Variants in DIAPH1 observed in about 807,000 individuals in gnomAD.
DIAPH1 encodes diaphanous related formin 1, also known as protein diaphanous homolog 1.
A neutral mutation model predicts 140.7 loss-of-function variants in DIAPH1; 46 were observed. The ratio of observed to expected loss-of-function variants is 0.33; its 90% CI spans 0.26 to 0.42. The LOEUF (loss-of-function observed/expected upper bound fraction) is 0.42, where lower values mean the gene tolerates loss of function less well. Among genes scored for constraint, DIAPH1 ranks in the 10% least tolerant of loss-of-function variants. The pLI is 1.00. For synonymous variants in DIAPH1, 565 were observed against 551.6 expected (o/e 1.02, Z -0.34); for missense variants, 1,310 against 1,558.7 (o/e 0.84, Z 2.69).
intron 1 of DIAPH1, among the ~76,000 whole-genome samples, chr5:141,615,241 C>T (rs1472790356): frequency 6.6e-6 from 1 of 150,684 alleles, no homozygotes; most frequent in African/African-American, 2.4e-5. Flanking sequence ...TAAGACCAGC[C>T]TGGCCAACAT....
chr5:141,554,590 T>C (rs2099892271), intron 18 of DIAPH1, among the ~76,000 whole-genome samples: 1 of 152,110 alleles, frequency 6.6e-6, no homozygotes, highest in South Asian at 2.1e-4. Flanking sequence ...ACTATCAAAA[T>C]GTGAAAGAAC....
chr5:141,602,508 C>T (rs1169650822), intron 1 of DIAPH1, among the ~76,000 whole-genome samples: 1 of 152,222 alleles, frequency 6.6e-6, no homozygotes, highest in Non-Finnish European at 1.5e-5. Context: ...AGCCACCACG[C>T]CTGGCCTTTG....
intron 17 of DIAPH1, 23 bp from the exon 18 acceptor site, chr5:141,571,459 G>C (rs2099895168): frequency 2.5e-6 from 4 of 1,606,556 alleles, no homozygotes; most frequent in Admixed American, 1.7e-5. Context: ...AGTGCCAGGA[G>C]GGAGAAGGCA....
At chr5:141,579,235 A>G in intron 8 of DIAPH1, 39 bp from the exon 9 acceptor site, 4 of 1,487,096 alleles carry the variant, frequency 2.7e-6, no homozygotes, top group Non-Finnish European at 2.8e-6. Flanking sequence ...CTTTCCAGGT[A>G]CTGTGACACG....
At chr5:141,583,759 T>A in intron 4 of DIAPH1, 144 bp from the exon 5 acceptor site, 1 of 1,177,780 alleles carries the variant, frequency 8.5e-7, no homozygotes, top group Non-Finnish European at 1.2e-6. Context: ...CAGGCTGATT[T>A]CAAACTCCTG....
rs1382984486 is a variant in DIAPH1 at position 141,529,092 on chromosome 5, A to G, written c.2778+80T>C. The G allele has an allele frequency of 3.9e-6, 6 of 1,542,748 alleles. No homozygotes were observed. The Admixed American group carries it at 8.3e-5, about 21-fold the overall frequency. ...GTTCAAAAACAGACAAGCGGCAAGG[A>G]GCATATGCCCAGGCTGCTCTCTAGA... On this transcript the variant is annotated intron_variant, in intron 21 of 27. Coordinates refer to ENST00000389054, the MANE Select transcript of DIAPH1 (RefSeq NM_005219.5).
intron 27 of DIAPH1, among the ~76,000 whole-genome samples, chr5:141,522,573 G>A (rs1441234236): frequency 7.0e-6 from 1 of 143,414 alleles, no homozygotes; most frequent in Non-Finnish European, 1.5e-5. Context: ...CTTAGCCGAC[G>A]GGGTCAAAAA....
intron 14 of DIAPH1, 72 bp downstream of exon 14, chr5:141,576,158 C>A (rs1042005704): frequency 1.5e-5 from 19 of 1,291,040 alleles, no homozygotes; most frequent in Non-Finnish European, 1.8e-5. Context: ...AAAACTGTCT[C>A]ATAGATCAGG....
At chr5:141,584,047 T>A in intron 4 of DIAPH1, 77 bp downstream of exon 4, 1 of 868,652 alleles carries the variant, frequency 1.2e-6, no homozygotes, top group Non-Finnish European at 1.9e-6. Flanking sequence ...AAATGTTACA[T>A]AAAATTGGCA....
chr5:141,576,791 C>T lies in DIAPH1; in HGVS notation c.1361G>A (p.Cys454Tyr). 6.2e-7 allele frequency: 1 copy of T among 1,613,906 alleles called. No individual in the cohort carries two copies. Among genetic ancestry groups the T allele is most frequent in the Non-Finnish European group, 8.5e-7 (1 of 1,179,796 alleles). Residue 454 changes from cysteine to tyrosine, a missense_variant, in exon 13 of 28, where the codon TGC becomes TAC. This residue lies in a region of DIAPH1 where 589 missense variants were observed against 549.3 expected (regional missense o/e 1.07). Coordinates refer to ENST00000389054, the MANE Select transcript of DIAPH1 (RefSeq NM_005219.5). ...CTCAATCTCAATCTGGAGGTGCCGG[C>T]ACTTGAAGTCAGGATCAGCCCCGTT... The part of the protein sequence containing the change: ...HKNGADPDFK[C>Y]RHLQIEIEGL...
chr5:141,539,276 C>CA (rs113967437), intron 18 of DIAPH1, among the ~76,000 whole-genome samples: 4,576 of 135,322 alleles, frequency 0.034, 94 homozygotes, highest in East Asian at 0.052. Flanking sequence ...GACCATGTGT[C>CA]AAAAAAAAAA....
At chr5:141,605,366 G>A (rs1221722861) in intron 1 of DIAPH1, among the ~76,000 whole-genome samples, 1 of 151,976 alleles carries the variant, frequency 6.6e-6, no homozygotes, top group Non-Finnish European at 1.5e-5. Context: ...AAATAAAAAT[G>A]AAAAATAGAA....
chr5:141,581,985 A>T (rs2154596541), intron 7 of DIAPH1: 1 of 218,852 alleles, frequency 4.6e-6, no homozygotes, highest in East Asian at 1.2e-4. Context: ...GCATGAATCC[A>T]GGATGTGGAG....
intron 18 of DIAPH1, among the ~76,000 whole-genome samples, chr5:141,554,723 T>C (rs911778214): frequency 6.6e-6 from 1 of 152,202 alleles, no homozygotes; most frequent in African/African-American, 2.4e-5. Context: ...AGATTTGTTT[T>C]AGGAATGCAA....
At chr5:141,568,789 T>C (rs535371519) in intron 18 of DIAPH1, among the ~76,000 whole-genome samples, 3 of 152,116 alleles carry the variant, frequency 2.0e-5, no homozygotes, top group Non-Finnish European at 4.4e-5. Context: ...GCTTAACAAA[T>C]AGCAGAGTTG....
intron 15 of DIAPH1, among the ~76,000 whole-genome samples, chr5:141,574,612 G>C (rs1282679819): frequency 1.3e-5 from 2 of 152,156 alleles, no homozygotes; most frequent in Non-Finnish European, 2.9e-5. Flanking sequence ...TGCAGAGAGA[G>C]TGTGTAAGGA....
At chr5:141,580,915 G>A in intron 7 of DIAPH1, 32 bp from the exon 8 acceptor site, 2 of 1,614,076 alleles carry the variant, frequency 1.2e-6, no homozygotes, top group Non-Finnish European at 8.5e-7. Flanking sequence ...AAAGGAGGCT[G>A]AAAGACGAAA....
rs760403335 is a variant in DIAPH1 at position 141,607,340 on chromosome 5, C to T, written c.117+11458G>A. Among the ~76,000 whole-genome samples, 37 of 152,184 alleles carry T rather than the reference C, an allele frequency of 2.4e-4. 1 individual carries two copies. The highest frequency in any genetic ancestry group is 1.8e-4 in the Non-Finnish European group (12 of 68,038). On this transcript the variant is annotated intron_variant, in intron 1 of 27. Coordinates refer to ENST00000389054, the MANE Select transcript of DIAPH1 (RefSeq NM_005219.5). ...TCCTTGAGATCCAGCTGAAGAGTCA[C>T]GCCTTTTAAAATCTAATTTCTGAAA...
intron 18 of DIAPH1, among the ~76,000 whole-genome samples, chr5:141,551,009 G>T (rs1416550451): frequency 6.6e-6 from 1 of 152,184 alleles, no homozygotes; most frequent in Non-Finnish European, 1.5e-5. Context: ...AATGAATGCA[G>T]TACATGATCC....
Sources: gnomAD v4.1 joint callset for allele counts (sites outside exome capture counted in the v4.1 genomes callset) on GRCh38, gnomAD v4.1.1 for gene constraint, gnomAD v4.1.1 regional missense constraint, MANE v1.5 for transcripts, NCBI Gene and HGNC (gene_info 2026-07-23, HGNC 2026-07-21) for gene names.